EME2: variants seen among roughly 807,000 people sequenced by gnomAD.
The protein encoded by EME2 is essential meiotic structure-specific endonuclease subunit 2, also known as structure-specific endonuclease subunit EME2.
In EME2, 58 loss-of-function variants were observed where a neutral mutation model predicts 41.9. The ratio of observed to expected loss-of-function variants is 1.38; its 90% confidence interval spans 1.12 to 1.72. The LOEUF is 1.72. EME2 is among the 40% of genes most tolerant of loss of function. The probability of loss-of-function intolerance (pLI) is 0.00; values close to 1 mark genes in which losing one functional copy is unlikely to be tolerated. For synonymous variants in EME2, 334 were observed against 239.3 expected (o/e 1.40, Z -3.65); for missense variants, 695 against 541.9 (o/e 1.28, Z -2.81).
In EME2 at chr16:1,777,856, C is replaced by T. The variant is rs138705764; in HGVS notation, c.*1618C>T. The T allele has an allele frequency of 2.9e-3, 4,677 of 1,612,620 alleles. 10 individuals are homozygous for T. Among genetic ancestry groups the T allele is most frequent in the Non-Finnish European group, 3.4e-3 (3,983 of 1,179,838 alleles). On this transcript the variant is annotated 3_prime_UTR_variant, in exon 8 of 8. Coordinates refer to ENST00000568449, the MANE Select transcript of EME2 (RefSeq NM_001257370.2). ...GCGATGAGAAGCTGGTCTTGTCGCC[C>T]TTGTGGTGGAGGAGGCCTGGGGGCA... is the stretch of plus-strand genomic sequence containing the variant.
Position 1,776,338 on chromosome 16 carries a change from G to A in EME2, c.*100G>A. 1 of 1,296,282 alleles carries A rather than the reference G, an allele frequency of 7.7e-7. No individual in the cohort carries two copies. The highest frequency in any genetic ancestry group is 1.1e-6 in the Non-Finnish European group (1 of 921,506). The allele number at this position is 1,296,282 out of a possible 1,614,324, so 80.3% of individuals were successfully genotyped here. A position where few individuals can be genotyped will look rare whatever the true frequency, so the allele number is the denominator to read the frequency against. On this transcript the variant is annotated 3_prime_UTR_variant, in exon 8 of 8. Coordinates refer to ENST00000568449, the MANE Select transcript of EME2 (RefSeq NM_001257370.2). The stretch of plus-strand genomic sequence containing the variant: ...CCAGCCACATGTGGACCCTCAGCCT[G>A]GGTGGGTTCTCTGGCTGAGCAGGTC...
At chr16:1,773,985 T>A in intron 2 of EME2, 144 bp downstream of exon 2, 1 of 1,159,794 alleles carries the variant, frequency 8.6e-7, no homozygotes, top group Non-Finnish European at 1.2e-6. Flanking sequence ...GAACGGGAAG[T>A]GGAGGTGCCC....
In EME2 at chr16:1,781,102, G is replaced by T; in HGVS notation, c.*4864G>T. ...ACCTCTCCATGCACCATGTGTTTCA[G>T]AGGAGAAAGCACAGTGAAGAATGCA... On this transcript the variant is annotated 3_prime_UTR_variant, in exon 8 of 8. Coordinates refer to ENST00000568449, the MANE Select transcript of EME2 (RefSeq NM_001257370.2). The T allele has an allele frequency of 7.3e-7, 1 of 1,373,546 alleles. No individual in the cohort carries two copies. Among genetic ancestry groups the T allele is most frequent in the Non-Finnish European group, 9.7e-7 (1 of 1,027,374 alleles). The allele number at this position is 1,373,546 out of a possible 1,614,324, so 85.1% of individuals were successfully genotyped here.
chr16:1,773,487 G>C lies in EME2; in HGVS notation c.247+13G>C. On this transcript the variant is annotated intron_variant, in intron 1 of 7. Transcript: ENST00000568449. ...TGCGTGGACACAGGTGCGGCGGAGG[G>C]CACGGGCGATACTCGGGGTAGGAAA... 1 of 1,578,416 alleles carries C rather than the reference G, an allele frequency of 6.3e-7. No homozygotes were observed. Among genetic ancestry groups the C allele is most frequent in the South Asian group, 1.1e-5 (1 of 88,524 alleles).
rs1175842096 is a variant in EME2 at position 1,777,328 on chromosome 16, G to A, written c.*1090G>A. On this transcript the variant is annotated 3_prime_UTR_variant, in exon 8 of 8. Coordinates refer to ENST00000568449, the MANE Select transcript of EME2 (RefSeq NM_001257370.2). The stretch of plus-strand genomic sequence containing the variant: ...GCTGGCGCAGGCGGTGGCAGCACAG[G>A]TACTGGAGGGAAGTGGCGCTGGCAC... 3 of 1,609,088 alleles carry A rather than the reference G, an allele frequency of 1.9e-6. No homozygotes were observed. Among genetic ancestry groups the A allele is most frequent in the South Asian group, 1.1e-5 (1 of 91,034 alleles).
In EME2 at chr16:1,773,853, C is replaced by A. The variant is rs1031403402; in HGVS notation, c.384+12C>A. 1 of 1,532,424 alleles carries A rather than the reference C, an allele frequency of 6.5e-7. No individual in the cohort carries two copies. The highest frequency in any genetic ancestry group is 8.7e-7 in the Non-Finnish European group (1 of 1,144,890). 94.9% of individuals were successfully genotyped at this position (1,532,424 alleles called of 1,614,324 possible). ...CCTGCCCCCGCAGCGTGAGTGGTCG[C>A]GGGTTCCCGAGGGCCAGCCGCGAGT... On this transcript the variant is annotated intron_variant, in intron 2 of 7. Transcript: ENST00000568449.
Position 1,776,516 on chromosome 16 carries a change from AACAC to A in EME2, c.*289_*292del. ...CTCAGCAGCAGGGCTGTGCCCCCCC[AACAC>A]ACACACACACTCGGCAGGGACCAGA... On this transcript the variant is annotated 3_prime_UTR_variant, in exon 8 of 8. Transcript: ENST00000568449. The A allele has an allele frequency of 1.6e-5, 7 of 431,484 alleles. No individual in the cohort carries two copies. Among genetic ancestry groups the A allele is most frequent in the Non-Finnish European group, 2.5e-5 (6 of 240,828 alleles). 26.7% of individuals were successfully genotyped at this position (431,484 alleles called of 1,614,324 possible). A position where few individuals can be genotyped will look rare whatever the true frequency, so the allele number is the denominator to read the frequency against.
At position 1,773,413 on chromosome 16, in the gene EME2, G is replaced by A; in HGVS notation, c.186G>A (p.Glu62=). The A allele has an allele frequency of 6.4e-7, 1 of 1,566,946 alleles. No homozygotes were observed. Among genetic ancestry groups the A allele is most frequent in the Non-Finnish European group, 8.6e-7 (1 of 1,165,744 alleles). ...CGGGTGAGCGCAGGGCGGCTGCCGA[G>A]GCGTTGCGGCTGCTGCGGCCGGAGC... ...DPAGERRAAA[E]ALRLLRPEQV... Residue 62 remains glutamate, a synonymous_variant, in exon 1 of 8, where the codon GAG becomes GAA. Transcript: ENST00000568449.
rs1332077998 is a variant in EME2, at chr16:1,775,923, G to C, written c.906G>C (p.Arg302=). 1 of 1,611,976 alleles carries C rather than the reference G, an allele frequency of 6.2e-7. No individual in the cohort carries two copies. Among genetic ancestry groups the C allele is most frequent in the Admixed American group, 1.7e-5 (1 of 59,970 alleles). The change falls in exon 7 of 8, where the codon CGG becomes CGC. Residue 302 remains arginine (R), a synonymous_variant. Transcript: ENST00000568449. ...GGAGGCAGATCAGGCAGTTCAGTCG[G>C]GTCAGCCCAGCCGTGGCTGATGCAG... is the stretch of plus-strand genomic sequence containing the variant. ...AWRRQIRQFS[R]VSPAVADAVV...
At position 1,776,945 on chromosome 16, in the gene EME2, C is replaced by T. The variant is rs1284350430; in HGVS notation, c.*707C>T. ...GGCCCTAGAGCCCCCACAGAAAGGACTGTCCCAGCCTCGGGAGCAAGAGAT... is the reference window on the plus strand; with the variant it reads ...GGCCCTAGAGCCCCCACAGAAAGGATTGTCCCAGCCTCGGGAGCAAGAGAT... On this transcript the variant is annotated 3_prime_UTR_variant, in exon 8 of 8. Transcript: ENST00000568449. 1.1e-6 allele frequency: 1 copy of T among 875,394 alleles called. No homozygotes were observed. Among genetic ancestry groups the T allele is most frequent in the Non-Finnish European group, 1.7e-6 (1 of 585,214 alleles). 54.2% of individuals were successfully genotyped at this position (875,394 alleles called of 1,614,324 possible).
chr16:1,773,042 G>C lies in EME2; in HGVS notation c.-186G>C, dbSNP rs1371684306. 2.7e-5 allele frequency: 38 copies of C among 1,430,438 alleles called. No homozygotes were observed. Among genetic ancestry groups the C allele is most frequent in the Non-Finnish European group, 3.4e-5 (37 of 1,093,670 alleles). 88.6% of individuals were successfully genotyped at this position (1,430,438 alleles called of 1,614,324 possible). On this transcript the variant is annotated 5_prime_UTR_variant, in exon 1 of 8. Transcript: ENST00000568449. The stretch of plus-strand genomic sequence containing the variant: ...CGTAGAGCTGGGAGTCGCGCGGCCT[G>C]TTCAGTTGCTCCCGCAGGGCGCGCA...
intron 1 of EME2, 29 bp from the exon 2 acceptor site, chr16:1,773,676 G>A (rs1331842167): frequency 1.9e-6 from 3 of 1,547,676 alleles, no homozygotes; most frequent in South Asian, 2.4e-5. Flanking sequence ...GAAGGAAGCA[G>A]TGACCGCGCT....
chr16:1,777,156 C>A lies in EME2; in HGVS notation c.*918C>A. The stretch of plus-strand genomic sequence containing the variant: ...CGAGGCTCGCGACTGCTGGGGTGGG[C>A]GGAGGTCGCTGCCTGGGGATCGGAC... On this transcript the variant is annotated 3_prime_UTR_variant, in exon 8 of 8. Coordinates refer to ENST00000568449, the MANE Select transcript of EME2 (RefSeq NM_001257370.2). 1 of 1,611,332 alleles carries A rather than the reference C, an allele frequency of 6.2e-7. No homozygotes were observed. Among genetic ancestry groups the A allele is most frequent in the Non-Finnish European group, 8.5e-7 (1 of 1,179,860 alleles).
intron 1 of EME2, 107 bp from the exon 2 acceptor site, chr16:1,773,598 C>T: frequency 2.0e-6 from 3 of 1,526,528 alleles, no homozygotes; most frequent in East Asian, 2.5e-5. Flanking sequence ...GCCTCCCAGT[C>T]GGGGGTTTGT....
Position 1,776,474 on chromosome 16 carries a change from T to G in EME2, c.*236T>G. 2.3e-6 allele frequency: 1 copy of G among 435,616 alleles called. No homozygotes were observed. Among genetic ancestry groups the G allele is most frequent in the Non-Finnish European group, 4.0e-6 (1 of 252,986 alleles). 27.0% of individuals were successfully genotyped at this position (435,616 alleles called of 1,614,324 possible). A position where few individuals can be genotyped will look rare whatever the true frequency, so the allele number is the denominator to read the frequency against. ...GTTCCTGTGCTGAGTCCTGAACACG[T>G]AGGCCCCAGGGGAGGCCTCAGCAGC... On this transcript the variant is annotated 3_prime_UTR_variant, in exon 8 of 8. Transcript: ENST00000568449.
Position 1,775,833 on chromosome 16 carries a change from A to G in EME2, c.816A>G (p.Thr272=), listed in dbSNP as rs578057428. ...AATCCCAGGCCTTCTCCTTCTGCAC[A>G]GCAGGGCGCTGGGCAGCCGGCGAGC... The part of the protein sequence containing the change: ...YRESQAFSFC[T]AGRWAAGEPV... The change falls in exon 7 of 8, where the codon ACA becomes ACG. Residue 272 remains threonine (T), a synonymous_variant. Transcript: ENST00000568449. 6.2e-7 allele frequency: 1 copy of G among 1,612,474 alleles called. No individual in the cohort carries two copies. Among genetic ancestry groups the G allele is most frequent in the South Asian group, 1.1e-5 (1 of 91,038 alleles).
At position 1,778,328 on chromosome 16, in the gene EME2, G is replaced by A. The variant is rs2042744788; in HGVS notation, c.*2090G>A. Reference sequence around the variant, plus strand: ...TCCCAGACCCAGTCGAAATCTGCAAGAGAGGCCCAGGCTGGGGCAGCCCTG... The same window carrying A: ...TCCCAGACCCAGTCGAAATCTGCAAAAGAGGCCCAGGCTGGGGCAGCCCTG... On this transcript the variant is annotated 3_prime_UTR_variant, in exon 8 of 8. Coordinates refer to ENST00000568449, the MANE Select transcript of EME2 (RefSeq NM_001257370.2). The A allele has an allele frequency of 1.2e-6, 2 of 1,612,000 alleles. No individual in the cohort carries two copies. Among genetic ancestry groups the A allele is most frequent in the Non-Finnish European group, 8.5e-7 (1 of 1,179,916 alleles).
At chr16:1,775,454 G>A (rs772086463) in intron 5 of EME2, 46 bp downstream of exon 5, 3 of 1,603,700 alleles carry the variant, frequency 1.9e-6, no homozygotes, top group East Asian at 2.2e-5. Flanking sequence ...CTGGGTCCCA[G>A]TGATTGGGCT....
rs2042713109 is a variant in EME2, at chr16:1,776,354, T to C, written c.*116T>C. On this transcript the variant is annotated 3_prime_UTR_variant, in exon 8 of 8. Coordinates refer to ENST00000568449, the MANE Select transcript of EME2 (RefSeq NM_001257370.2). ...CCTCAGCCTGGGTGGGTTCTCTGGC[T>C]GAGCAGGTCTGACCTCAGGGGAAGG... The C allele has an allele frequency of 9.7e-7, 1 of 1,032,850 alleles. No homozygotes were observed. Among genetic ancestry groups the C allele is most frequent in the Admixed American group, 2.2e-5 (1 of 44,826 alleles). The allele number at this position is 1,032,850 out of a possible 1,614,324, so 64.0% of individuals were successfully genotyped here.
Sources: allele counts gnomAD v4.1 joint callset, GRCh38; gene constraint gnomAD v4.1.1; transcripts MANE v1.5; gene names NCBI Gene and HGNC (gene_info 2026-07-23, HGNC 2026-07-21).